Variants in TXNDC17 observed in about 807,000 individuals in gnomAD.
TXNDC17 encodes the protein thioredoxin domain containing 17.
In TXNDC17, 12 loss-of-function variants were observed where a neutral mutation model predicts 16.3. That is an observed-to-expected ratio of 0.74 (90% confidence interval 0.47 to 1.19). The LOEUF is 1.19. TXNDC17 is among the 50% of genes most tolerant of loss of function. The probability of loss-of-function intolerance (pLI) is 0.00; values close to 1 mark genes in which losing one functional copy is unlikely to be tolerated. For missense variants in TXNDC17, 158 were observed against 149.7 expected (o/e 1.06, Z -0.29); for synonymous variants, 62 against 55.0 (o/e 1.13, Z -0.56).
At chr17:6,642,612 T>C in intron 3 of TXNDC17, 1 of 438,124 alleles carries the variant, frequency 2.3e-6, no homozygotes, top group South Asian at 3.8e-5. Context: ...TTCATAATTC[T>C]GGTTAAAAAG....
intron 1 of TXNDC17, 47 bp downstream of exon 1, chr17:6,641,274 G>C (rs766297724): frequency 9.3e-6 from 15 of 1,607,624 alleles, no homozygotes; most frequent in South Asian, 2.2e-5. Context: ...ATGGCAGGAA[G>C]GTCGAGCCTA....
chr17:6,642,444 C>A, intron 3 of TXNDC17, 120 bp downstream of exon 3: 1 of 703,782 alleles, frequency 1.4e-6, no homozygotes, highest in Non-Finnish European at 2.4e-6. Flanking sequence ...GTTCAGAGTG[C>A]TGCTGAAAGT....
In TXNDC17 at chr17:6,641,890, G is replaced by A. The variant is rs1442552800; in HGVS notation, c.227+56G>A. 6 of 1,510,484 alleles carry A rather than the reference G, an allele frequency of 4.0e-6. No individual in the cohort carries two copies. The African/African-American group carries it at 5.5e-5, about 14-fold the overall frequency. The allele number at this position is 1,510,484 out of a possible 1,614,324, so 93.6% of individuals were successfully genotyped here. A position where few individuals can be genotyped will look rare whatever the true frequency, so the allele number is the denominator to read the frequency against. ...ACGTGCACAAATTGCATACTTAGGC[G>A]GGAAGGGCCTCAGGGACTTACTTAC... On this transcript the variant is annotated intron_variant, in intron 2 of 3. Transcript: ENST00000250101.
chr17:6,642,764 A>G, intron 3 of TXNDC17, 187 bp from the exon 4 acceptor site: 1 of 579,592 alleles, frequency 1.7e-6, no homozygotes, highest in South Asian at 2.1e-5. Context: ...TCTTGAGCCA[A>G]GTATGTTAGT....
chr17:6,641,619 G>T, intron 1 of TXNDC17, 134 bp from the exon 2 acceptor site: 1 of 862,816 alleles, frequency 1.2e-6, no homozygotes, highest in Non-Finnish European at 1.9e-6. Flanking sequence ...CCTGACTTGT[G>T]TTGACCTCTT....
Position 6,641,068 on chromosome 17 carries a change from C to G in TXNDC17, c.-15C>G. On this transcript the variant is annotated 5_prime_UTR_variant, in exon 1 of 4. Transcript: ENST00000250101. ...CGGACGTGCACTCCTCCAGTAGCGG[C>G]TGCACGTCGTGCCAATGGCCCGCTA... The G allele has an allele frequency of 6.2e-7, 1 of 1,610,484 alleles. No homozygotes were observed.
Position 6,642,009 on chromosome 17 carries a change from A to G in TXNDC17, c.227+175A>G, listed in dbSNP as rs149694300. On this transcript the variant is annotated intron_variant, in intron 2 of 3. Coordinates refer to ENST00000250101, the MANE Select transcript of TXNDC17 (RefSeq NM_032731.4). ...TGCCCACCTGAATTAAGTAAGGGTA[A>G]TTCAACGAATTTGGTCTGGTGTAAG... 3.4e-4 allele frequency: 241 copies of G among 706,172 alleles called. No homozygotes were observed. In the African/African-American group the frequency reaches 4.0e-3, roughly 12 times the overall value. The allele number at this position is 706,172 out of a possible 1,614,324, so 43.7% of individuals were successfully genotyped here.
rs757387478 is a variant in TXNDC17 at position 6,642,974 on chromosome 17, G to A, written c.327G>A (p.Glu109=). 1.7e-5 allele frequency: 28 copies of A among 1,613,772 alleles called. No homozygotes were observed. The Admixed American group carries it at 4.7e-4, about 27-fold the overall frequency. Residue 109 remains glutamate (E), a synonymous_variant, in exon 4 of 4, where the codon GAG becomes GAA. Coordinates refer to ENST00000250101, the MANE Select transcript of TXNDC17 (RefSeq NM_032731.4). The stretch of plus-strand genomic sequence containing the variant: ...AGCCTCAAAAACTGGTAGAATCTGA[G>A]TGTCTTCAGGCCAACCTGGTGGAAA... ...YGTPQKLVES[E]CLQANLVEML...
chr17:6,641,545 G>A, intron 1 of TXNDC17: 2 of 642,934 alleles, frequency 3.1e-6, no homozygotes, highest in South Asian at 3.9e-5. Flanking sequence ...CGGTGGTGCA[G>A]GGGCAAATCG....
chr17:6,642,810 A>C, intron 3 of TXNDC17, 141 bp from the exon 4 acceptor site: 1 of 650,128 alleles, frequency 1.5e-6, no homozygotes, highest in Non-Finnish European at 2.7e-6. Context: ...ATTCTTTCAT[A>C]AAACTTGTTA....
Position 6,644,409 on chromosome 17 carries a change from CTG to C in TXNDC17, c.*1392_*1393del. On this transcript the variant is annotated 3_prime_UTR_variant, in exon 4 of 4. Transcript: ENST00000250101. ...AGAGTTTTCATTTTTTTTGTCTTCA[CTG>C]TACAAAAGAAATACATTATATACAT... is the stretch of plus-strand genomic sequence containing the variant. The C allele has an allele frequency of 1.4e-6, 2 of 1,475,676 alleles. No individual in the cohort carries two copies. Among genetic ancestry groups the C allele is most frequent in the Non-Finnish European group, 1.8e-6 (2 of 1,112,672 alleles). The allele number at this position is 1,475,676 out of a possible 1,614,324, so 91.4% of individuals were successfully genotyped here. A position where few individuals can be genotyped will look rare whatever the true frequency, so the allele number is the denominator to read the frequency against.
At position 6,643,279 on chromosome 17, in the gene TXNDC17, AACTC is replaced by A; in HGVS notation, c.*261_*264del. On this transcript the variant is annotated 3_prime_UTR_variant, in exon 4 of 4. Transcript: ENST00000250101. ...CTTGAAGGTGACGGAAATACCTAAA[AACTC>A]CTAAAGGTGCAGAGCACACCTTCCA... The A allele has an allele frequency of 2.8e-6, 1 of 362,122 alleles. No homozygotes were observed. The highest frequency in any genetic ancestry group is 5.0e-6 in the Non-Finnish European group (1 of 198,256). The allele number at this position is 362,122 out of a possible 1,614,324, so 22.4% of individuals were successfully genotyped here. A position where few individuals can be genotyped will look rare whatever the true frequency, so the allele number is the denominator to read the frequency against.
chr17:6,642,637 C>T (rs987739939), intron 3 of TXNDC17: 3 of 457,098 alleles, frequency 6.6e-6, no homozygotes, highest in Non-Finnish European at 7.7e-6. Context: ...GGCATCTCTT[C>T]TAGTTCAGTC....
Position 6,643,145 on chromosome 17 carries a change from GA to G in TXNDC17, c.*127del. 1.3e-6 allele frequency: 1 copy of G among 758,146 alleles called. No homozygotes were observed. The highest frequency in any genetic ancestry group is 2.2e-6 in the Non-Finnish European group (1 of 455,674). 47.0% of individuals were successfully genotyped at this position (758,146 alleles called of 1,614,324 possible). A position where few individuals can be genotyped will look rare whatever the true frequency, so the allele number is the denominator to read the frequency against. On this transcript the variant is annotated 3_prime_UTR_variant, in exon 4 of 4. Transcript: ENST00000250101. ...AAAACTGGCATGTGTCTAAACAATA[GA>G]GTGCTATTAAAATGCCCATGAACCT... is the stretch of plus-strand genomic sequence containing the variant.
chr17:6,642,878 C>G (rs1597630285), intron 3 of TXNDC17, 73 bp from the exon 4 acceptor site: 1 of 1,108,702 alleles, frequency 9.0e-7, no homozygotes, highest in Non-Finnish European at 1.4e-6. Context: ...GAGTGTCATT[C>G]AAGGCAGAAC....
Position 6,641,852 on chromosome 17 carries a change from A to G in TXNDC17, c.227+18A>G. On this transcript the variant is annotated intron_variant, in intron 2 of 3. Transcript: ENST00000250101. ...AAGCCTTAGTAAGTGGCAATGTATA[A>G]TCTACCTCGCAGACGTGCACAAATT... is the stretch of plus-strand genomic sequence containing the variant. 3.7e-6 allele frequency: 6 copies of G among 1,611,726 alleles called. No individual in the cohort carries two copies. Among genetic ancestry groups the G allele is most frequent in the Non-Finnish European group, 5.1e-6 (6 of 1,177,796 alleles).
At position 6,644,435 on chromosome 17, in the gene TXNDC17, A is replaced by T; in HGVS notation, c.*1416A>T. The T allele has an allele frequency of 6.5e-7, 1 of 1,549,292 alleles. No individual in the cohort carries two copies. On this transcript the variant is annotated 3_prime_UTR_variant, in exon 4 of 4. Transcript: ENST00000250101. Reference sequence around the variant, plus strand: ...TGTACAAAAGAAATACATTATATACATGTATTAAGTGCCTCGTTTGTATCC... The same window carrying T: ...TGTACAAAAGAAATACATTATATACTTGTATTAAGTGCCTCGTTTGTATCC...
rs887994476 is a variant in TXNDC17, at chr17:6,644,073, C to G, written c.*1054C>G. ...AGAGTAGAGTGGTAGAGTAGTTGAT[C>G]TGAGACAGTAAGGTTCCAGGAGATG... is the stretch of plus-strand genomic sequence containing the variant. On this transcript the variant is annotated 3_prime_UTR_variant, in exon 4 of 4. Transcript: ENST00000250101. The G allele has an allele frequency of 1.5e-5, 6 of 407,304 alleles. No individual in the cohort carries two copies. Among genetic ancestry groups the G allele is most frequent in the Admixed American group, 8.2e-5 (2 of 24,294 alleles). The allele number at this position is 407,304 out of a possible 1,614,324, so 25.2% of individuals were successfully genotyped here.
At chr17:6,642,531 T>G in intron 3 of TXNDC17, 1 of 500,116 alleles carries the variant, frequency 2.0e-6, no homozygotes, top group Non-Finnish European at 3.6e-6. Flanking sequence ...TAAGTCACTC[T>G]TAAAAAACCA....
Sources: allele counts gnomAD v4.1 joint callset, GRCh38; gene constraint gnomAD v4.1.1; transcripts MANE v1.5; gene names NCBI Gene and HGNC (gene_info 2026-07-23, HGNC 2026-07-21).